Variants in SYTL2 observed in about 807,000 individuals in gnomAD.
The protein encoded by SYTL2 is synaptotagmin like 2.
A neutral mutation model predicts 198.7 loss-of-function variants in SYTL2; 165 were observed. That is an observed-to-expected ratio of 0.83 (90% confidence interval 0.73 to 0.94). The LOEUF is 0.94. Among genes scored for constraint, SYTL2 ranks in the 40% least tolerant of loss-of-function variants. The probability of loss-of-function intolerance (pLI) is 0.00; values close to 1 mark genes in which losing one functional copy is unlikely to be tolerated. For synonymous variants in SYTL2, 966 were observed against 917.7 expected (o/e 1.05, Z -0.95); for missense variants, 2,835 against 2,582.8 (o/e 1.10, Z -2.12).
At chr11:85,801,014 A>G (rs2092879219) in intron 1 of SYTL2, among the ~76,000 whole-genome samples, 1 of 152,228 alleles carries the variant, frequency 6.6e-6, no homozygotes, top group South Asian at 2.1e-4. Flanking sequence ...CAGGGCTAGA[A>G]ACACAGAAAC....
chr11:85,791,180 A>AAAAAAAAAAAAC (rs2092724928), intron 1 of SYTL2, among the ~76,000 whole-genome samples: 1 of 150,418 alleles, frequency 6.6e-6, no homozygotes, highest in Non-Finnish European at 1.5e-5. Flanking sequence ...AAAAAAAAAA[A>AAAAAAAAAAAAC]AAAAAAAAAA....
intron 2 of SYTL2, among the ~76,000 whole-genome samples, chr11:85,752,079 T>C: frequency 6.6e-6 from 1 of 152,232 alleles, no homozygotes; most frequent in East Asian, 1.9e-4. Context: ...TGCTCACTTA[T>C]GTACACCTCA....
intron 1 of SYTL2, among the ~76,000 whole-genome samples, chr11:85,804,779 A>G (rs2092935915): frequency 6.6e-6 from 1 of 152,222 alleles, no homozygotes; most frequent in African/African-American, 2.4e-5. Context: ...AATGAATCCT[A>G]CATAACCAGT....
the SYTL2 span, among the ~76,000 whole-genome samples, chr11:85,850,302 T>C: frequency 7.9e-5 from 12 of 152,038 alleles, no homozygotes; most frequent in African/African-American, 2.9e-4. Flanking sequence ...CTAATTGCCC[T>C]GGCCAGAACT....
intron 1 of SYTL2, among the ~76,000 whole-genome samples, chr11:85,764,981 T>C (rs1312432198): frequency 6.6e-6 from 1 of 152,204 alleles, no homozygotes; most frequent in African/African-American, 2.4e-5. Context: ...CACAGGTGGG[T>C]AACAATGCTA....
At chr11:85,816,921 A>G in the SYTL2 span, among the ~76,000 whole-genome samples, 1 of 151,360 alleles carries the variant, frequency 6.6e-6, no homozygotes, top group Non-Finnish European at 1.5e-5. Context: ...GTCTCAAAAA[A>G]AAAAAAAAAA....
Position 85,724,963 on chromosome 11 carries a change from A to G in SYTL2, c.4395T>C (p.Ala1465=). ...SPSDQTLSSF[A]SIVAQYGKGL... ...CTTTGCCATATTGAGCAACAATGGA[A>G]GCAAATGAGCTAAGCGTCTGGTCTG... Residue 1465 remains alanine (A), a synonymous_variant, in exon 8 of 20, where the codon GCT becomes GCC. Transcript: ENST00000359152. 1 of 1,613,804 alleles carries G rather than the reference A, an allele frequency of 6.2e-7. No individual in the cohort carries two copies. Among genetic ancestry groups the G allele is most frequent in the Non-Finnish European group, 8.5e-7 (1 of 1,179,862 alleles).
chr11:85,759,868 C>T (rs2092044539), intron 1 of SYTL2, among the ~76,000 whole-genome samples: 1 of 152,196 alleles, frequency 6.6e-6, no homozygotes, highest in African/African-American at 2.4e-5. Flanking sequence ...TTACCACCTC[C>T]ATGAAGCCTT....
chr11:85,763,238 G>A (rs555768987), intron 1 of SYTL2, among the ~76,000 whole-genome samples: 5 of 152,280 alleles, frequency 3.3e-5, no homozygotes, highest in Non-Finnish European at 7.4e-5. Context: ...AAGGAGCAGC[G>A]GTAGAAATAG....
the SYTL2 span, among the ~76,000 whole-genome samples, chr11:85,845,951 AACC>A: frequency 2.6e-5 from 4 of 152,164 alleles, no homozygotes; most frequent in African/African-American, 4.8e-5. Flanking sequence ...AATAACATAA[AACC>A]ACCACCACTT....
At chr11:85,768,105 T>A (rs1481537790) in intron 1 of SYTL2, among the ~76,000 whole-genome samples, 1 of 152,200 alleles carries the variant, frequency 6.6e-6, no homozygotes, top group Admixed American at 6.5e-5. Flanking sequence ...CTTTGTGCTC[T>A]AGGCACTTCA....
At position 85,726,821 on chromosome 11, in the gene SYTL2, TG is replaced by T; in HGVS notation, c.2536del (p.Gln846ArgfsTer14). ...GGGAATGGCCTGATTATATTCACTCTGGTCTGTAGATAAACTGTCCATGGAT... is the reference window on the plus strand; with the variant it reads ...GGGAATGGCCTGATTATATTCACTCTGTCTGTAGATAAACTGTCCATGGAT... ...VSSMDSLSTD[Q>X]SEYNQAIPKR... On this transcript the variant is annotated frameshift_variant, in exon 8 of 20. Coordinates refer to ENST00000359152, the MANE Select transcript of SYTL2 (RefSeq NM_206927.4). LOFTEE classifies it high-confidence loss of function. 1.3e-6 allele frequency: 2 copies of T among 1,536,386 alleles called. No individual in the cohort carries two copies. The highest frequency in any genetic ancestry group is 2.4e-5 in the South Asian group (2 of 84,058).
intron 1 of SYTL2, among the ~76,000 whole-genome samples, chr11:85,801,169 T>C (rs775908787): frequency 6.6e-6 from 1 of 152,158 alleles, no homozygotes; most frequent in South Asian, 2.1e-4. Context: ...CTAACCACAA[T>C]AGTGCATGCT....
At chr11:85,731,310 A>T (rs1360821000) in intron 7 of SYTL2, among the ~76,000 whole-genome samples, 1 of 152,234 alleles carries the variant, frequency 6.6e-6, no homozygotes, top group Non-Finnish European at 1.5e-5. Flanking sequence ...AGCTGGAGGC[A>T]TCACGCTACC....
chr11:85,781,900 A>C (rs1463553780), intron 1 of SYTL2, among the ~76,000 whole-genome samples: 1 of 152,192 alleles, frequency 6.6e-6, no homozygotes, highest in Non-Finnish European at 1.5e-5. Flanking sequence ...ACAGGCTGGC[A>C]TTGAGTGTCT....
intron 9 of SYTL2, chr11:85,719,113 A>T: frequency 1.4e-6 from 2 of 1,469,740 alleles, no homozygotes; most frequent in South Asian, 2.4e-5. Context: ...CAGAGCAAGC[A>T]ATCGGCCAGC....
the SYTL2 span, among the ~76,000 whole-genome samples, chr11:85,828,158 G>C: frequency 6.6e-6 from 1 of 152,150 alleles, no homozygotes; most frequent in African/African-American, 2.4e-5. Context: ...CATGCTGTTT[G>C]GTATTTCTCA....
the SYTL2 span, among the ~76,000 whole-genome samples, chr11:85,821,305 T>A: frequency 2.0e-5 from 3 of 152,306 alleles, no homozygotes; most frequent in African/African-American, 7.2e-5. Context: ...TTCTAAAATA[T>A]TAAGTATCAC....
chr11:85,790,309 T>A (rs1435687705), intron 1 of SYTL2, among the ~76,000 whole-genome samples: 1 of 152,126 alleles, frequency 6.6e-6, no homozygotes, highest in Non-Finnish European at 1.5e-5. Context: ...AAATAGCAAT[T>A]TCACTTGGTT....
Sources: allele counts gnomAD v4.1 joint callset (sites outside exome capture counted in the v4.1 genomes callset), GRCh38; gene constraint gnomAD v4.1.1; transcripts MANE v1.5; gene names NCBI Gene and HGNC (gene_info 2026-07-23, HGNC 2026-07-21).